PARL: variants seen among roughly 807,000 people sequenced by gnomAD.
PARL encodes the protein presenilin-associated rhomboid-like protein, mitochondrial.
In PARL, 44 loss-of-function variants were observed where a neutral mutation model predicts 51.6. That is an observed-to-expected ratio of 0.85 (90% CI 0.67 to 1.10). The LOEUF (loss-of-function observed/expected upper bound fraction) is 1.10, where lower values mean the gene tolerates loss of function less well. Among genes scored for constraint, PARL ranks in the 50% least tolerant of loss-of-function variants. The pLI is 0.00. For synonymous variants in PARL, 172 were observed against 164.0 expected (o/e 1.05, Z -0.37); for missense variants, 441 against 469.5 (o/e 0.94, Z 0.56).
At chr3:183,845,105 T>C (rs999116438) in intron 4 of PARL, among the ~76,000 whole-genome samples, 2 of 149,360 alleles carry the variant, frequency 1.3e-5, no homozygotes, top group African/African-American at 4.9e-5. Context: ...TAAACATTTG[T>C]CATTCCTCCA....
chr3:183,846,868 GA>G (rs1388525694), intron 4 of PARL, among the ~76,000 whole-genome samples: 1 of 152,230 alleles, frequency 6.6e-6, no homozygotes, highest in Admixed American at 6.5e-5. Flanking sequence ...GCCAGTTATA[GA>G]TGAGAAAAAC....
At chr3:183,877,397 G>A (rs898094957) in intron 1 of PARL, among the ~76,000 whole-genome samples, 1 of 152,220 alleles carries the variant, frequency 6.6e-6, no homozygotes, top group African/African-American at 2.4e-5. Flanking sequence ...CTGTTGAAAT[G>A]ACAACAAAGG....
intron 9 of PARL, among the ~76,000 whole-genome samples, chr3:183,832,772 G>A (rs1728106219): frequency 6.6e-6 from 1 of 152,166 alleles, no homozygotes; most frequent in Non-Finnish European, 1.5e-5. Flanking sequence ...GGAAGGTCTT[G>A]TAACCACAAT....
intron 1 of PARL, among the ~76,000 whole-genome samples, chr3:183,881,836 G>T (rs6782942): frequency 0.49 from 75,173 of 151,916 alleles, 18,975 homozygotes; most frequent in Middle Eastern, 0.58. Context: ...TGACCCCATC[G>T]TGAGTTAATA....
chr3:183,826,882 T>C (rs1727451999), downstream of PARL: 1 of 618,218 alleles, frequency 1.6e-6, no homozygotes, highest in Non-Finnish European at 2.0e-6. Context: ...TATTACTTCA[T>C]TGATCAAACA....
intron 1 of PARL, among the ~76,000 whole-genome samples, chr3:183,884,462 A>AT (rs1359925793): frequency 6.6e-6 from 1 of 152,214 alleles, no homozygotes. Context: ...CACGCAATGA[A>AT]CCCTCAGCTT....
intron 1 of PARL, among the ~76,000 whole-genome samples, chr3:183,875,309 G>C (rs775183175): frequency 6.6e-6 from 1 of 151,574 alleles, no homozygotes; most frequent in Non-Finnish European, 1.5e-5. Flanking sequence ...CAGCCACTGG[G>C]GAGGTTGAGG....
intron 1 of PARL, 36 bp downstream of exon 1, chr3:183,884,686 C>T (rs1432954194): frequency 6.4e-7 from 1 of 1,574,760 alleles, no homozygotes; most frequent in Admixed American, 1.8e-5. Context: ...GCTCAGGGAC[C>T]AAGAGGCGAG....
chr3:183,880,494 C>T (rs1485311422), intron 1 of PARL, among the ~76,000 whole-genome samples: 3 of 151,988 alleles, frequency 2.0e-5, no homozygotes, highest in Non-Finnish European at 2.9e-5. Context: ...CTCCGCTTCC[C>T]GGGTTCAGGC....
chr3:183,866,506 A>G, intron 3 of PARL, 119 bp downstream of exon 3: 1 of 824,994 alleles, frequency 1.2e-6, no homozygotes, highest in Non-Finnish European at 2.1e-6. Context: ...AGTTCCTCAG[A>G]TTTCATTATT....
At chr3:183,861,663 T>C (rs1016151788) in intron 4 of PARL, among the ~76,000 whole-genome samples, 5 of 152,252 alleles carry the variant, frequency 3.3e-5, no homozygotes, top group African/African-American at 1.2e-4. Flanking sequence ...AAGTCTTAAA[T>C]GCTTATTTAA....
chr3:183,838,705 G>A (rs776479536), intron 7 of PARL, among the ~76,000 whole-genome samples: 7 of 152,124 alleles, frequency 4.6e-5, no homozygotes, highest in East Asian at 1.9e-4. Context: ...GAAATCACAC[G>A]TAAGTAGCAG....
intron 1 of PARL, among the ~76,000 whole-genome samples, chr3:183,874,973 G>A (rs556247866): frequency 6.6e-6 from 1 of 152,324 alleles, no homozygotes; most frequent in African/African-American, 2.4e-5. Context: ...TTGGGAGGCT[G>A]AGGCAGGAAG....
intron 7 of PARL, among the ~76,000 whole-genome samples, chr3:183,838,430 T>C (rs549211779): frequency 4.3e-4 from 66 of 152,340 alleles, no homozygotes; most frequent in African/African-American, 1.5e-3. Context: ...GATTTCTCAT[T>C]AAAAATGCCA....
At chr3:183,831,282 A>C (rs1327486853) in intron 9 of PARL, among the ~76,000 whole-genome samples, 2 of 152,152 alleles carry the variant, frequency 1.3e-5, no homozygotes, top group African/African-American at 4.8e-5. Context: ...GGCCACCCAA[A>C]TCTTTTTAAC....
At chr3:183,872,993 A>G (rs1370098699) in intron 1 of PARL, among the ~76,000 whole-genome samples, 1 of 152,198 alleles carries the variant, frequency 6.6e-6, no homozygotes, top group East Asian at 1.9e-4. Context: ...TCTTATTTAA[A>G]CAACCATCAG....
intron 7 of PARL, among the ~76,000 whole-genome samples, chr3:183,837,460 C>A (rs574559647): frequency 6.6e-6 from 1 of 152,206 alleles, no homozygotes; most frequent in African/African-American, 2.4e-5. Flanking sequence ...CATCCCAATA[C>A]GCCTAACAGG....
intron 1 of PARL, among the ~76,000 whole-genome samples, chr3:183,882,290 C>CATATAT (rs1734621158): frequency 1.1e-5 from 1 of 92,132 alleles, no homozygotes; most frequent in Non-Finnish European, 2.2e-5. Context: ...TATACACACA[C>CATATAT]ACATATATAT....
At chr3:183,840,443 A>G (rs1370356404) in intron 7 of PARL, 127 bp downstream of exon 7, 5 of 558,374 alleles carry the variant, frequency 9.0e-6, no homozygotes, top group Non-Finnish European at 1.6e-5. Context: ...TTTCGATGTT[A>G]GTTAACAGTA....
Sources: gnomAD v4.1 joint callset for allele counts (sites outside exome capture counted in the v4.1 genomes callset) on GRCh38, gnomAD v4.1.1 for gene constraint, MANE v1.5 for transcripts, NCBI Gene and HGNC (gene_info 2026-07-23, HGNC 2026-07-21) for gene names.